Variants in ANKRD30BL observed in about 807,000 individuals in gnomAD.
ANKRD30BL encodes the protein ankyrin repeat domain 30B like, also known as putative ankyrin repeat domain-containing protein 30B-like.
ANKRD30BL carries 20 observed loss-of-function variants against 18.4 expected under a neutral mutation model. The observed-to-expected ratio is 1.09, with a 90% CI of 0.77 to 1.58. The LOEUF is 1.58. Among genes scored for constraint, ANKRD30BL ranks in the 40% most tolerant of loss-of-function variants. The pLI, the probability that ANKRD30BL is intolerant of heterozygous loss-of-function variation, is 0.00. For missense variants in ANKRD30BL, 224 were observed against 268.6 expected, an observed-to-expected ratio of 0.83 and a Z score of 1.16; for synonymous variants, 72 against 100.9, an observed-to-expected ratio of 0.71 and a Z score of 1.72.
chr2:132,162,018 C>G (rs1261678722), upstream of ANKRD30BL: 8 of 278,956 alleles, frequency 2.9e-5, no homozygotes, highest in Admixed American at 5.1e-5. Context: ...GCCCTGGCTG[C>G]GCTTCGCCCA....
intron 1 of ANKRD30BL, among the ~76,000 whole-genome samples, chr2:132,208,853 A>G (rs949627616): frequency 5.9e-5 from 9 of 151,782 alleles, no homozygotes; most frequent in Non-Finnish European, 1.5e-5. Context: ...TAAAGACAAG[A>G]AAGAAGCATT....
At chr2:132,233,212 T>A (rs1234741433) in intron 1 of ANKRD30BL, among the ~76,000 whole-genome samples, 5 of 151,988 alleles carry the variant, frequency 3.3e-5, no homozygotes, top group African/African-American at 9.7e-5. Flanking sequence ...GAACAACCAG[T>A]ACCAGCCACT....
intron 1 of ANKRD30BL, among the ~76,000 whole-genome samples, chr2:132,214,279 C>T (rs1045527471): frequency 6.6e-6 from 1 of 151,930 alleles, no homozygotes; most frequent in African/African-American, 2.4e-5. Flanking sequence ...GTAGAATCGG[C>T]AAGTGGATAT....
At chr2:132,232,020 C>G (rs1277521800) in intron 1 of ANKRD30BL, among the ~76,000 whole-genome samples, 2 of 152,322 alleles carry the variant, frequency 1.3e-5, no homozygotes, top group East Asian at 1.9e-4. Context: ...CAAGTGGGTC[C>G]CTGACCCCTG....
upstream of ANKRD30BL, among the ~76,000 whole-genome samples, chr2:132,164,279 T>C (rs866103818): frequency 0.01 from 1,503 of 146,084 alleles, 32 homozygotes; most frequent in African/African-American, 0.035. Context: ...CTTTTTTTTT[T>C]TTTTTTTTTT....
chr2:132,210,255 A>G (rs1573844459), intron 1 of ANKRD30BL, among the ~76,000 whole-genome samples: 1 of 152,094 alleles, frequency 6.6e-6, no homozygotes, highest in African/African-American at 2.4e-5. Context: ...GTGTGCATTC[A>G]TGTCTCAGAG....
chr2:132,169,158 A>AT (rs1688235288), intron 1 of ANKRD30BL, among the ~76,000 whole-genome samples: 1 of 152,186 alleles, frequency 6.6e-6, no homozygotes, highest in African/African-American at 2.4e-5. Context: ...AAAAATAAGA[A>AT]TTTTTTAGAT....
At chr2:132,256,259 C>T (rs72869435) in intron 1 of ANKRD30BL, among the ~76,000 whole-genome samples, 1 of 148,844 alleles carries the variant, frequency 6.7e-6, no homozygotes, top group Non-Finnish European at 1.5e-5. Context: ...AGATTGGGCG[C>T]GGCAGGGCGG....
intron 1 of ANKRD30BL, among the ~76,000 whole-genome samples, chr2:132,196,198 G>T (rs915576212): frequency 5.3e-5 from 8 of 151,984 alleles, no homozygotes; most frequent in Non-Finnish European, 1.2e-4. Context: ...CAGGCAAAAG[G>T]CCAGGCATAG....
intron 1 of ANKRD30BL, among the ~76,000 whole-genome samples, chr2:132,207,270 A>G (rs1243278745): frequency 2.0e-5 from 3 of 152,178 alleles, no homozygotes; most frequent in African/African-American, 7.2e-5. Context: ...AGACAGCTTA[A>G]TTCAAATCAA....
At chr2:132,183,549 G>A (rs1688510711) in intron 1 of ANKRD30BL, among the ~76,000 whole-genome samples, 1 of 152,100 alleles carries the variant, frequency 6.6e-6, no homozygotes, top group Non-Finnish European at 1.5e-5. Flanking sequence ...GGGCAAGGCA[G>A]CCCCAGGTGT....
intron 1 of ANKRD30BL, among the ~76,000 whole-genome samples, chr2:132,189,330 T>G (rs573929560): frequency 6.6e-6 from 1 of 152,362 alleles, no homozygotes; most frequent in African/African-American, 2.4e-5. Flanking sequence ...TCAGATTTCC[T>G]TGGATAATTG....
At chr2:132,217,658 A>G (rs1481051136) in intron 1 of ANKRD30BL, among the ~76,000 whole-genome samples, 2 of 152,276 alleles carry the variant, frequency 1.3e-5, no homozygotes, top group African/African-American at 2.4e-5. Flanking sequence ...TGATGTGTAC[A>G]TTCATGTCAC....
intron 1 of ANKRD30BL, among the ~76,000 whole-genome samples, chr2:132,230,232 A>G (rs1312155132): frequency 1.3e-5 from 2 of 152,118 alleles, no homozygotes; most frequent in African/African-American, 2.4e-5. Context: ...GCAGTTTTGA[A>G]GCAGTCTTTT....
intron 1 of ANKRD30BL, among the ~76,000 whole-genome samples, chr2:132,247,639 TACTAC>T (rs1680540312): frequency 6.6e-6 from 1 of 151,962 alleles, no homozygotes; most frequent in East Asian, 1.9e-4. Context: ...CCACTGCAGA[TACTAC>T]AAAAAGACTG....
chr2:132,217,449 GA>G (rs1395685391), intron 1 of ANKRD30BL, among the ~76,000 whole-genome samples: 1 of 151,914 alleles, frequency 6.6e-6, no homozygotes, highest in Admixed American at 6.6e-5. Context: ...ATAAAATATA[GA>G]CAGAATCATT....
At chr2:132,176,480 A>G (rs7580782) in intron 1 of ANKRD30BL, among the ~76,000 whole-genome samples, 92,778 of 151,928 alleles carry the variant, frequency 0.61, 30,385 homozygotes, top group African/African-American at 0.87. Context: ...GCATGGTGGC[A>G]CATGCCTGCA....
intron 1 of ANKRD30BL, among the ~76,000 whole-genome samples, chr2:132,193,363 G>GACC (rs1678898241): frequency 6.6e-6 from 1 of 152,078 alleles, no homozygotes. Flanking sequence ...GACCTTGAAT[G>GACC]ACCACCTTTT....
chr2:132,251,263 C>G (rs1680639553), intron 1 of ANKRD30BL, among the ~76,000 whole-genome samples: 1 of 152,180 alleles, frequency 6.6e-6, no homozygotes, highest in Non-Finnish European at 1.5e-5. Context: ...AACCTGGAAA[C>G]TGACATAGGT....
Sources: gnomAD v4.1 joint callset for allele counts (sites outside exome capture counted in the v4.1 genomes callset) on GRCh38, gnomAD v4.1.1 for gene constraint, MANE v1.5 for transcripts, NCBI Gene and HGNC (gene_info 2026-07-23, HGNC 2026-07-21) for gene names.